Variants in GRID2 observed in about 807,000 individuals in gnomAD.
GRID2 encodes glutamate ionotropic receptor delta type subunit 2.
In GRID2, 33 loss-of-function variants were observed where a neutral mutation model predicts 114.8. The observed-to-expected ratio is 0.29, with a 90% CI of 0.22 to 0.38. GRID2 has a LOEUF of 0.38. Ranked by LOEUF, GRID2 falls within the 10% of genes least tolerant of loss-of-function variation. The probability of loss-of-function intolerance (pLI) is 1.00; values close to 1 mark genes in which losing one functional copy is unlikely to be tolerated. For synonymous variants in GRID2, 505 were observed against 449.9 expected, an observed-to-expected ratio of 1.12 and a Z score of -1.55; for missense variants, 1,184 against 1,257.7, an observed-to-expected ratio of 0.94 and a Z score of 0.89.
intron 2 of GRID2, among the ~76,000 whole-genome samples, chr4:92,895,396 T>TATATATATATATATATAA (rs1358011351): frequency 2.7e-5 from 4 of 145,732 alleles, no homozygotes; most frequent in Admixed American, 1.4e-4. Flanking sequence ...TATATATATA[T>TATATATATATATATATAA]ATATATATAA....
At chr4:92,938,924 A>G (rs1050581772) in intron 2 of GRID2, among the ~76,000 whole-genome samples, 1 of 147,024 alleles carries the variant, frequency 6.8e-6, no homozygotes, top group African/African-American at 2.4e-5. Flanking sequence ...ATAGTATTCC[A>G]TGGTGTATAT....
intron 1 of GRID2, among the ~76,000 whole-genome samples, chr4:92,384,433 AATATATATATATATATATAT>A (rs372161362): frequency 0.26 from 7,915 of 30,292 alleles, 1,222 homozygotes; most frequent in East Asian, 0.6. Context: ...TGTGTGTAGG[AATATATATATATATATATAT>A]ATATATATAT....
At chr4:92,606,432 G>T (rs554049008) in intron 2 of GRID2, among the ~76,000 whole-genome samples, 1 of 152,116 alleles carries the variant, frequency 6.6e-6, no homozygotes, top group South Asian at 2.1e-4. Context: ...CTTTAAGTCT[G>T]CTGATTGGGA....
At chr4:92,362,725 C>G (rs1482859466) in intron 1 of GRID2, among the ~76,000 whole-genome samples, 1 of 151,736 alleles carries the variant, frequency 6.6e-6, no homozygotes, top group African/African-American at 2.4e-5. Flanking sequence ...AGTTTTAAAT[C>G]AAAACAAGAA....
At chr4:93,305,272 A>G (rs1755296802) in intron 8 of GRID2, among the ~76,000 whole-genome samples, 1 of 152,194 alleles carries the variant, frequency 6.6e-6, no homozygotes, top group African/African-American at 2.4e-5. Flanking sequence ...GTTTATAGAC[A>G]GGGAAATACT....
chr4:93,390,721 A>G (rs772741662), intron 8 of GRID2, among the ~76,000 whole-genome samples: 2 of 152,174 alleles, frequency 1.3e-5, no homozygotes, highest in African/African-American at 2.4e-5. Context: ...GTTAAATGCT[A>G]GTTGATAATA....
Position 92,965,907 on chromosome 4 carries a change from G to T in GRID2, c.245-119088G>T, listed in dbSNP as rs532793778. 5.7e-4 allele frequency among the ~76,000 whole-genome samples: 87 copies of T among 151,928 alleles called. 1 individual carries two copies. The highest frequency in any genetic ancestry group is 2.0e-3 in the African/African-American group (84 of 41,482). On this transcript the variant is annotated intron_variant, in intron 2 of 15. Coordinates refer to ENST00000282020, the MANE Select transcript of GRID2 (RefSeq NM_001510.4). The stretch of plus-strand genomic sequence containing the variant: ...AGCCCTCCTCCAAGTATAGCCAGGA[G>T]AATTTAGTCTTCTGACCAAATTCTT...
intron 1 of GRID2, among the ~76,000 whole-genome samples, chr4:92,459,188 TATG>T (rs1721357793): frequency 6.6e-6 from 1 of 152,168 alleles, no homozygotes; most frequent in South Asian, 2.1e-4. Context: ...TTGTAAGAAG[TATG>T]AAGATCATTG....
chr4:93,263,288 C>G (rs1561060176), intron 8 of GRID2, among the ~76,000 whole-genome samples: 1 of 151,892 alleles, frequency 6.6e-6, no homozygotes, highest in Non-Finnish European at 1.5e-5. Flanking sequence ...ACAGTCAAAT[C>G]ACTTTCCTTA....
intron 8 of GRID2, among the ~76,000 whole-genome samples, chr4:93,254,948 G>T (rs975619358): frequency 6.6e-6 from 1 of 151,860 alleles, no homozygotes; most frequent in Non-Finnish European, 1.5e-5. Context: ...TTTCCTTTCC[G>T]TGGTTGTCAC....
intron 1 of GRID2, among the ~76,000 whole-genome samples, chr4:93,801,432 G>A (rs1296431510): frequency 6.6e-6 from 1 of 151,682 alleles, no homozygotes; most frequent in Non-Finnish European, 1.5e-5. Flanking sequence ...CAATGACATA[G>A]TCCTGAAAGA....
At chr4:92,999,952 T>G (rs530645677) in intron 2 of GRID2, among the ~76,000 whole-genome samples, 7 of 151,876 alleles carry the variant, frequency 4.6e-5, no homozygotes, top group Non-Finnish European at 8.9e-5. Context: ...TCAAATAATA[T>G]TCTCCCAGGT....
chr4:92,942,147 C>T (rs1196965658), intron 2 of GRID2, among the ~76,000 whole-genome samples: 4 of 152,138 alleles, frequency 2.6e-5, no homozygotes, highest in East Asian at 1.9e-4. Context: ...TCTTGTTGAT[C>T]TGTCTAATGT....
chr4:93,434,981 C>T (rs9994126), intron 10 of GRID2, among the ~76,000 whole-genome samples: 70,479 of 151,742 alleles, frequency 0.46, 17,571 homozygotes, highest in East Asian at 0.69. Context: ...TCAGCATTTG[C>T]TTAAAGCTTA....
intron 8 of GRID2, among the ~76,000 whole-genome samples, chr4:93,323,140 G>A (rs942923897): frequency 2.0e-5 from 3 of 152,126 alleles, no homozygotes; most frequent in Non-Finnish European, 4.4e-5. Flanking sequence ...GTCCTGAATG[G>A]TATTGCCTAG....
chr4:92,388,930 A>G (rs557780692), intron 1 of GRID2, among the ~76,000 whole-genome samples: 2 of 152,212 alleles, frequency 1.3e-5, no homozygotes, highest in Admixed American at 6.6e-5. Flanking sequence ...AAATGTGGAA[A>G]TATTATATAC....
chr4:92,681,187 T>C (rs890138793), intron 2 of GRID2, among the ~76,000 whole-genome samples: 2 of 152,116 alleles, frequency 1.3e-5, no homozygotes, highest in Non-Finnish European at 2.9e-5. Flanking sequence ...TATGAGGCTA[T>C]AGAAAAGATA....
chr4:92,427,585 A>G (rs1579340779), intron 1 of GRID2, among the ~76,000 whole-genome samples: 1 of 152,168 alleles, frequency 6.6e-6, no homozygotes, highest in South Asian at 2.1e-4. Flanking sequence ...GGAAAATTCA[A>G]TTTTTAAGAA....
chr4:92,351,504 TG>T (rs1442033584), intron 1 of GRID2, among the ~76,000 whole-genome samples: 1 of 151,816 alleles, frequency 6.6e-6, no homozygotes, highest in Non-Finnish European at 1.5e-5. Flanking sequence ...TTGTTTGTGT[TG>T]GGATCTTTCA....
Sources: gnomAD v4.1 joint callset for allele counts (sites outside exome capture counted in the v4.1 genomes callset) on GRCh38, gnomAD v4.1.1 for gene constraint, MANE v1.5 for transcripts, NCBI Gene and HGNC (gene_info 2026-07-23, HGNC 2026-07-21) for gene names.